ECRG4: variants seen among roughly 807,000 people sequenced by gnomAD.
The protein encoded by ECRG4 is augurin.
In ECRG4, 18 loss-of-function variants were observed where a neutral mutation model predicts 15.8. The observed-to-expected ratio is 1.14, with a 90% CI of 0.79 to 1.69. The LOEUF (loss-of-function observed/expected upper bound fraction) is 1.69, where lower values mean the gene tolerates loss of function less well. Ranked by LOEUF, ECRG4 falls within the 40% of genes most tolerant of loss-of-function variation. The probability of loss-of-function intolerance (pLI) is 0.00; values close to 1 mark genes in which losing one functional copy is unlikely to be tolerated. For synonymous variants in ECRG4, 82 were observed against 73.9 expected (o/e 1.11, Z -0.56); for missense variants, 200 against 190.9 (o/e 1.05, Z -0.28).
intron 1 of ECRG4, among the ~76,000 whole-genome samples, chr2:106,066,136 A>C (rs1676209804): frequency 6.6e-6 from 1 of 152,186 alleles, no homozygotes; most frequent in African/African-American, 2.4e-5. Flanking sequence ...GTGGGCAAGT[A>C]GTGTTTCGTG....
intron 1 of ECRG4, among the ~76,000 whole-genome samples, chr2:106,066,051 G>A (rs945186596): frequency 2.0e-5 from 3 of 152,262 alleles, no homozygotes; most frequent in African/African-American, 2.4e-5. Context: ...TGAGGGTGGA[G>A]AGAGTACCGG....
chr2:106,071,349 AAAAG>A (rs1558656765), intron 1 of ECRG4, among the ~76,000 whole-genome samples: 70 of 137,540 alleles, frequency 5.1e-4, no homozygotes, highest in African/African-American at 1.5e-3. Context: ...AAAAAAAAAA[AAAAG>A]AAAGAAAGAA....
rs1558655696 is a variant in ECRG4, at chr2:106,069,143, CTTTCTTTT to C, written c.80-2700_80-2693del. Among the ~76,000 whole-genome samples the C allele has an allele frequency of 3.3e-4, 42 of 126,854 alleles. No individual in the cohort carries two copies. The East Asian group carries it at 9.6e-3, about 29-fold the overall frequency. The allele number at this position is 126,854 out of a possible 152,430, so 83.2% of individuals were successfully genotyped here. The stretch of plus-strand genomic sequence containing the variant: ...TTTCTTCCTTTCTCTTTCTTTCTTT[CTTTCTTTT>C]CTTTCTTTCTTTCTTTCTTTTTTCT... On this transcript the variant is annotated intron_variant, in intron 1 of 3. Transcript: ENST00000238044.
At chr2:106,067,339 T>C (rs1676249010) in intron 1 of ECRG4, among the ~76,000 whole-genome samples, 1 of 152,084 alleles carries the variant, frequency 6.6e-6, no homozygotes, top group Non-Finnish European at 1.5e-5. Context: ...AAAAAGCACA[T>C]CTGAATAAGT....
At chr2:106,066,089 G>A (rs1318050182) in intron 1 of ECRG4, among the ~76,000 whole-genome samples, 2 of 152,230 alleles carry the variant, frequency 1.3e-5, no homozygotes, top group African/African-American at 4.8e-5. Flanking sequence ...CAGATCTCCC[G>A]GGCAACCTTG....
At position 106,071,861 on chromosome 2, in the gene ECRG4, A is replaced by T. The variant is rs748953375; in HGVS notation, c.97A>T (p.Lys33Ter). 6.2e-7 allele frequency: 1 copy of T among 1,613,786 alleles called. No homozygotes were observed. The change falls in exon 2 of 4, where the codon AAA becomes TAA. Residue 33 changes from lysine (K) to a stop codon, truncating the protein, a stop_gained. Transcript: ENST00000238044. LOFTEE classifies it high-confidence loss of function. ...CWGPGGISGN[K>*]LKLMLQKREA... The stretch of plus-strand genomic sequence containing the variant: ...TCCTTTAGGTGGCATAAGTGGAAAT[A>T]AACTCAAGCTGATGCTTCAAAAACG...
At chr2:106,068,448 T>C (rs1676270690) in intron 1 of ECRG4, among the ~76,000 whole-genome samples, 2 of 152,230 alleles carry the variant, frequency 1.3e-5, no homozygotes, top group African/African-American at 4.8e-5. Context: ...GTTCAGTGTA[T>C]AGTACCTGGC....
intron 3 of ECRG4, among the ~76,000 whole-genome samples, chr2:106,076,425 A>T (rs13403363): frequency 0.025 from 3,800 of 152,318 alleles, 174 homozygotes; most frequent in African/African-American, 0.084. Context: ...CTAGAGATGG[A>T]GCCAAAGAAG....
chr2:106,065,643 C>G, upstream of ECRG4: 3 of 686,686 alleles, frequency 4.4e-6, no homozygotes, highest in Non-Finnish European at 6.4e-6. Flanking sequence ...GGTCCCGCCC[C>G]GGCAGCGACG....
At chr2:106,069,229 CTTCTTTCT>C (rs567895776) in intron 1 of ECRG4, among the ~76,000 whole-genome samples, 1 of 118,724 alleles carries the variant, frequency 8.4e-6, no homozygotes, top group Non-Finnish European at 1.7e-5. Flanking sequence ...TTCTTCTTTC[CTTCTTTCT>C]TTTCTTTCTT....
intron 2 of ECRG4, chr2:106,073,682 T>A: frequency 1.5e-6 from 1 of 650,036 alleles, no homozygotes; most frequent in East Asian, 2.7e-5. Flanking sequence ...TATAGGGTTG[T>A]ACCAAATAAC....
intron 3 of ECRG4, among the ~76,000 whole-genome samples, chr2:106,075,311 G>A (rs761302846): frequency 3.9e-5 from 6 of 152,142 alleles, no homozygotes; most frequent in Admixed American, 3.9e-4. Flanking sequence ...AGCAGCATCT[G>A]GTGTTCTCAT....
upstream of ECRG4, among the ~76,000 whole-genome samples, chr2:106,065,455 G>T (rs896416057): frequency 1.3e-5 from 2 of 152,194 alleles, no homozygotes; most frequent in African/African-American, 2.4e-5. Flanking sequence ...TGCGGGCAGC[G>T]CTGGCCACGC....
At chr2:106,069,265 TTTTC>T (rs147751769) in intron 1 of ECRG4, among the ~76,000 whole-genome samples, 21,676 of 146,674 alleles carry the variant, frequency 0.15, 1,971 homozygotes, top group Non-Finnish European at 0.19. Flanking sequence ...TCTCTTTCCT[TTTTC>T]TTTCTTTCTT....
intron 1 of ECRG4, among the ~76,000 whole-genome samples, chr2:106,071,443 G>A (rs1676371838): frequency 6.6e-6 from 1 of 151,240 alleles, no homozygotes; most frequent in Admixed American, 6.6e-5. Flanking sequence ...TTCCAAATAA[G>A]CTCACATTCA....
intron 2 of ECRG4, chr2:106,072,209 G>A (rs1421795260): frequency 1.7e-5 from 4 of 231,006 alleles, no homozygotes; most frequent in Non-Finnish European, 3.4e-5. Context: ...GACTATCTTT[G>A]GAACACATAA....
At position 106,065,850 on chromosome 2, in the gene ECRG4, G is replaced by C. The variant is rs1336137329; in HGVS notation, c.79+7G>C. The C allele has an allele frequency of 1.3e-5, 19 of 1,477,774 alleles. No homozygotes were observed. The highest frequency in any genetic ancestry group is 2.5e-5 in the Admixed American group (1 of 39,836). 91.5% of individuals were successfully genotyped at this position (1,477,774 alleles called of 1,614,324 possible). ...CTCCTGTGCTGGGGCCCAGGTGAGC[G>C]GGGCGATGCCAGGCTGATTGATAGC... On this transcript the variant is annotated splice_region_variant and intron_variant, in intron 1 of 3. Coordinates refer to ENST00000238044, the MANE Select transcript of ECRG4 (RefSeq NM_032411.3).
At chr2:106,076,493 G>T (rs965687924) in intron 3 of ECRG4, among the ~76,000 whole-genome samples, 1 of 152,124 alleles carries the variant, frequency 6.6e-6, no homozygotes, top group Non-Finnish European at 1.5e-5. Context: ...TCAGACCCCA[G>T]GTATAGAGAA....
chr2:106,071,701 C>A, intron 1 of ECRG4, 143 bp from the exon 2 acceptor site: 1 of 616,158 alleles, frequency 1.6e-6, no homozygotes, highest in Non-Finnish European at 2.9e-6. Flanking sequence ...GGGAATACAG[C>A]AAGTGTTAAA....
Sources: gnomAD v4.1 joint callset for allele counts (sites outside exome capture counted in the v4.1 genomes callset) on GRCh38, gnomAD v4.1.1 for gene constraint, MANE v1.5 for transcripts, NCBI Gene and HGNC (gene_info 2026-07-23, HGNC 2026-07-21) for gene names.